The following EYS variants were observed in gnomAD, a reference collection of about 807,000 sequenced individuals.
EYS encodes the protein protein eyes shut homolog.
A neutral mutation model predicts 282.1 loss-of-function variants in EYS; 250 were observed. The ratio of observed to expected loss-of-function variants is 0.89; its 90% confidence interval spans 0.80 to 0.98. The LOEUF (loss-of-function observed/expected upper bound fraction) is 0.98. Ranked by LOEUF, EYS falls within the 50% of genes least tolerant of loss-of-function variation. The probability of loss-of-function intolerance (pLI) is 0.00; values close to 1 mark genes in which losing one functional copy is unlikely to be tolerated. For missense variants in EYS, 4,016 were observed against 3,709.0 expected (o/e 1.08, Z -2.15); for synonymous variants, 1,355 against 1,282.9 (o/e 1.06, Z -1.20).
chr6:64,003,358 A>G (rs2149805776), intron 33 of EYS, among the ~76,000 whole-genome samples: 1 of 152,352 alleles, frequency 6.6e-6, no homozygotes, highest in Admixed American at 6.5e-5. Flanking sequence ...AAATATAGTT[A>G]GAATGAATAA....
At chr6:64,269,228 T>C (rs555384668) in intron 30 of EYS, among the ~76,000 whole-genome samples, 1 of 152,260 alleles carries the variant, frequency 6.6e-6, no homozygotes, top group East Asian at 1.9e-4. Flanking sequence ...CACTATACTT[T>C]GCCCATCTAA....
At chr6:64,890,175 C>A (rs985380417) in intron 18 of EYS, among the ~76,000 whole-genome samples, 2 of 151,888 alleles carry the variant, frequency 1.3e-5, no homozygotes, top group African/African-American at 4.8e-5. Flanking sequence ...TTGGTCAGAC[C>A]AGTTGCTCTC....
chr6:63,829,989 G>A (rs1771582736), intron 36 of EYS, among the ~76,000 whole-genome samples: 1 of 152,206 alleles, frequency 6.6e-6, no homozygotes, highest in African/African-American at 2.4e-5. Context: ...CAACAGACCT[G>A]CAGCTGAGGG....
chr6:65,549,123 C>T (rs576858578), intron 2 of EYS, among the ~76,000 whole-genome samples: 3 of 152,296 alleles, frequency 2.0e-5, no homozygotes, highest in South Asian at 2.1e-4. Flanking sequence ...CACCTCCTGC[C>T]GTGAGGCCTG....
intron 29 of EYS, among the ~76,000 whole-genome samples, chr6:64,346,186 G>A (rs1248389760): frequency 6.6e-6 from 1 of 152,060 alleles, no homozygotes; most frequent in Non-Finnish European, 1.5e-5. Context: ...ATTTGACCCA[G>A]CCATCCCATT....
intron 31 of EYS, among the ~76,000 whole-genome samples, chr6:64,120,853 C>T (rs961081350): frequency 2.0e-5 from 3 of 152,168 alleles, no homozygotes; most frequent in South Asian, 2.1e-4. Flanking sequence ...TTTCCATTTT[C>T]TAGGCCCATT....
At chr6:64,207,699 C>T (rs916733118) in intron 31 of EYS, among the ~76,000 whole-genome samples, 7 of 151,846 alleles carry the variant, frequency 4.6e-5, no homozygotes, top group Non-Finnish European at 1.0e-4. Flanking sequence ...TCTGTGTCAC[C>T]CAGGCCGGAG....
chr6:65,432,766 T>C (rs1683584084), intron 5 of EYS, among the ~76,000 whole-genome samples: 1 of 152,148 alleles, frequency 6.6e-6, no homozygotes, highest in African/African-American at 2.4e-5. Context: ...TCCCTGCTGT[T>C]GGAGGTAAAA....
intron 12 of EYS, among the ~76,000 whole-genome samples, chr6:65,077,932 G>A (rs1411627351): frequency 6.6e-6 from 1 of 152,060 alleles, no homozygotes; most frequent in Non-Finnish European, 1.5e-5. Flanking sequence ...TTCAGTTGTT[G>A]TATTCATAAT....
intron 30 of EYS, among the ~76,000 whole-genome samples, chr6:64,235,320 A>G (rs553469428): frequency 3.3e-4 from 47 of 142,914 alleles, no homozygotes; most frequent in Non-Finnish European, 6.0e-4. Flanking sequence ...ATTCCCACCT[A>G]TGAGTGAGAA....
At chr6:64,766,631 C>CAAAAAAAAAAAAAA (rs1173014436) in intron 22 of EYS, among the ~76,000 whole-genome samples, 2 of 14,842 alleles carry the variant, frequency 1.3e-4, no homozygotes, top group African/African-American at 2.0e-4. Flanking sequence ...AACTCCGTCT[C>CAAAAAAAAAAAAAA]AAAAAAAAAA....
intron 11 of EYS, among the ~76,000 whole-genome samples, chr6:65,299,280 TAAC>T (rs1023403708): frequency 6.6e-6 from 1 of 152,170 alleles, no homozygotes; most frequent in Non-Finnish European, 1.5e-5. Flanking sequence ...GTTTTCCTAA[TAAC>T]AACCTATTTT....
intron 12 of EYS, among the ~76,000 whole-genome samples, chr6:65,160,518 T>C (rs1186543953): frequency 6.6e-6 from 1 of 150,838 alleles, no homozygotes; most frequent in Non-Finnish European, 1.5e-5. Context: ...CACTTATCTT[T>C]TGTTTGACTA....
chr6:65,332,843 ACTT>A (rs979662667), intron 11 of EYS, among the ~76,000 whole-genome samples: 17 of 151,334 alleles, frequency 1.1e-4, no homozygotes, highest in South Asian at 4.2e-4. Context: ...TAGATTTCCT[ACTT>A]CTTCTTGAAT....
At chr6:65,072,897 A>G (rs1200892968) in intron 12 of EYS, among the ~76,000 whole-genome samples, 1 of 151,640 alleles carries the variant, frequency 6.6e-6, no homozygotes, top group Non-Finnish European at 1.5e-5. Flanking sequence ...TGCAAAGAAG[A>G]TTCAATATTT....
intron 31 of EYS, among the ~76,000 whole-genome samples, chr6:64,229,006 C>T (rs1260622360): frequency 1.3e-5 from 2 of 152,146 alleles, no homozygotes; most frequent in Non-Finnish European, 2.9e-5. Flanking sequence ...GTCACAGTGA[C>T]TCACATCTGT....
intron 19 of EYS, among the ~76,000 whole-genome samples, chr6:64,883,895 T>C (rs1417889258): frequency 6.6e-6 from 1 of 151,520 alleles, no homozygotes; most frequent in Non-Finnish European, 1.5e-5. Context: ...AAATTAATTA[T>C]AGAATGGCTT....
intron 35 of EYS, among the ~76,000 whole-genome samples, chr6:63,902,733 T>A (rs530410603): frequency 6.6e-6 from 1 of 152,028 alleles, no homozygotes; most frequent in East Asian, 1.9e-4. Context: ...CAAAATAATA[T>A]AAAAAATCCA....
intron 22 of EYS, among the ~76,000 whole-genome samples, chr6:64,799,740 G>A (rs1774478937): frequency 6.6e-6 from 1 of 150,932 alleles, no homozygotes; most frequent in Admixed American, 6.6e-5. Context: ...AATAAAAAAT[G>A]TTACAGGAGC....
Sources: gnomAD v4.1 joint callset for allele counts (sites outside exome capture counted in the v4.1 genomes callset) on GRCh38, gnomAD v4.1.1 for gene constraint, MANE v1.5 for transcripts, NCBI Gene and HGNC (gene_info 2026-07-23, HGNC 2026-07-21) for gene names.